The following SRFBP1 variants were observed in gnomAD, a reference collection of about 807,000 sequenced individuals.
The protein encoded by SRFBP1 is serum response factor binding protein 1.
In SRFBP1, 47 loss-of-function variants were observed where a neutral mutation model predicts 45.5. The ratio of observed to expected loss-of-function variants is 1.03; its 90% CI spans 0.82 to 1.32. The LOEUF is 1.32. Ranked by LOEUF, SRFBP1 falls within the 40% of genes most tolerant of loss-of-function variation. SRFBP1 has a pLI of 0.00. For missense variants in SRFBP1, 621 were observed against 484.6 expected (o/e 1.28, Z -2.64); for synonymous variants, 203 against 166.3 (o/e 1.22, Z -1.70).
At chr5:122,047,298 T>C (rs1422060700) in intron 2 of SRFBP1, among the ~76,000 whole-genome samples, 2 of 152,222 alleles carry the variant, frequency 1.3e-5, no homozygotes, top group East Asian at 1.9e-4. Flanking sequence ...ATTTATTAAA[T>C]AGGGAATCGT....
At chr5:122,075,041 T>C (rs1413207715) in intron 2 of SRFBP1, among the ~76,000 whole-genome samples, 1 of 152,232 alleles carries the variant, frequency 6.6e-6, no homozygotes, top group Non-Finnish European at 1.5e-5. Context: ...TTCTGAATGC[T>C]TGTGATAAAA....
intron 1 of SRFBP1, among the ~76,000 whole-genome samples, chr5:121,972,391 TTAGGAGAG>T: frequency 6.6e-6 from 1 of 151,900 alleles, no homozygotes; most frequent in South Asian, 2.1e-4. Flanking sequence ...ACTAGAGGAT[TTAGGAGAG>T]TAGGCAAAAG....
chr5:122,044,626 A>T (rs540367685), intron 2 of SRFBP1, among the ~76,000 whole-genome samples: 1 of 151,970 alleles, frequency 6.6e-6, no homozygotes, highest in East Asian at 1.9e-4. Flanking sequence ...GCATTTTTTC[A>T]TATGCTTGTT....
chr5:122,063,734 C>T (rs776647769), intron 2 of SRFBP1: 5 of 151,816 alleles, frequency 3.3e-5, no homozygotes, highest in Non-Finnish European at 7.4e-5. Flanking sequence ...ATCTCCTTAC[C>T]AGGAATTCAG....
downstream of SRFBP1, among the ~76,000 whole-genome samples, chr5:122,078,739 T>A (rs3763024): frequency 4.9e-3 from 747 of 152,338 alleles, 18 homozygotes; most frequent in East Asian, 0.047. Flanking sequence ...ACGCACACTC[T>A]CTCGCTTTTA....
chr5:122,025,296 A>C (rs1389049578), intron 7 of SRFBP1, among the ~76,000 whole-genome samples: 1 of 152,146 alleles, frequency 6.6e-6, no homozygotes, highest in East Asian at 1.9e-4. Context: ...TGAACTCATC[A>C]GTTTTTATGG....
rs531639320 is a variant in SRFBP1, at chr5:122,045,485, G to T, written n.311+23078G>T. On this transcript the variant is annotated intron_variant and non_coding_transcript_variant, in intron 2 of 2. Transcript: ENST00000504881. ...AACAATATTGATTCTTTCTATCCAT[G>T]AGCATGGAATGTTTTTCCATATGTT... 5.1e-4 allele frequency among the ~76,000 whole-genome samples: 78 copies of T among 152,290 alleles called. 3 individuals are homozygous for T. In the South Asian group the frequency reaches 0.016, roughly 31 times the overall value.
At chr5:122,045,943 G>C (rs1367600712) in intron 2 of SRFBP1, among the ~76,000 whole-genome samples, 1 of 152,132 alleles carries the variant, frequency 6.6e-6, no homozygotes, top group Non-Finnish European at 1.5e-5. Context: ...TGCTTTCAAG[G>C]GGAATGCTTC....
intron 4 of SRFBP1, among the ~76,000 whole-genome samples, chr5:122,004,732 G>A (rs978508403): frequency 2.6e-5 from 4 of 151,852 alleles, no homozygotes; most frequent in African/African-American, 9.7e-5. Flanking sequence ...AATTCTTTGA[G>A]GTGTAACTTG....
intron 2 of SRFBP1, among the ~76,000 whole-genome samples, chr5:122,035,698 A>G (rs909656756): frequency 6.6e-6 from 1 of 152,094 alleles, no homozygotes; most frequent in African/African-American, 2.4e-5. Flanking sequence ...TTTGTGCTGT[A>G]TAAGTGTTTT....
intron 4 of SRFBP1, among the ~76,000 whole-genome samples, chr5:121,995,794 G>A (rs945422920): frequency 2.0e-5 from 3 of 151,014 alleles, no homozygotes; most frequent in Admixed American, 6.6e-5. Flanking sequence ...AAAGAGAGAA[G>A]AATCAAATAG....
intron 2 of SRFBP1, chr5:122,074,125 T>G: frequency 1.9e-6 from 3 of 1,614,162 alleles, no homozygotes; most frequent in Non-Finnish European, 2.5e-6. Flanking sequence ...GGTGTTGGCA[T>G]CAAGCAGGTC....
At chr5:122,007,994 A>T (rs1180038382) in intron 4 of SRFBP1, among the ~76,000 whole-genome samples, 1 of 151,836 alleles carries the variant, frequency 6.6e-6, no homozygotes, top group Non-Finnish European at 1.5e-5. Context: ...ATATATCCTG[A>T]AGCCACTGAG....
chr5:122,002,575 T>C (rs566994175), intron 4 of SRFBP1, among the ~76,000 whole-genome samples: 3 of 152,348 alleles, frequency 2.0e-5, no homozygotes, highest in African/African-American at 7.2e-5. Context: ...CTTTTCTTCC[T>C]CTCCATCGTT....
rs58528083 is a variant in SRFBP1 at position 122,014,560 on chromosome 5, GA to G, written c.271-4690del. 4.0e-3 allele frequency among the ~76,000 whole-genome samples: 583 copies of G among 146,052 alleles called. 2 individuals are homozygous for G. Among genetic ancestry groups the G allele is most frequent in the African/African-American group, 0.013 (512 of 39,294 alleles). ...AACACAGTTATAGAAGAAGACATTA[GA>G]AAAAAAAAATTAAAAAAATCTTCAT... On this transcript the variant is annotated intron_variant, in intron 4 of 7. Transcript: ENST00000339397.
intron 4 of SRFBP1, among the ~76,000 whole-genome samples, chr5:122,018,343 T>C (rs756242270): frequency 2.0e-5 from 3 of 152,202 alleles, no homozygotes; most frequent in Admixed American, 6.5e-5. Context: ...GTTGGTGATT[T>C]AGTCAAAGGT....
intron 1 of SRFBP1, among the ~76,000 whole-genome samples, chr5:121,970,595 A>AT (rs1183994978): frequency 1.7e-4 from 25 of 147,946 alleles, no homozygotes; most frequent in East Asian, 4.0e-4. Context: ...GCAAAGTATG[A>AT]TTTTTTTTTC....
intron 1 of SRFBP1, among the ~76,000 whole-genome samples, chr5:121,969,788 C>T (rs1752150042): frequency 1.3e-5 from 2 of 152,040 alleles, no homozygotes; most frequent in South Asian, 4.1e-4. Flanking sequence ...GTGATGGCCT[C>T]AGATTTTCCC....
intron 2 of SRFBP1, among the ~76,000 whole-genome samples, chr5:122,060,900 C>T (rs1488813825): frequency 2.0e-5 from 3 of 152,106 alleles, no homozygotes; most frequent in African/African-American, 7.2e-5. Flanking sequence ...TGCCTGTCGG[C>T]AGAAACCAGA....
Sources: gnomAD v4.1 joint callset for allele counts (sites outside exome capture counted in the v4.1 genomes callset) on GRCh38, gnomAD v4.1.1 for gene constraint, MANE v1.5 for transcripts, NCBI Gene and HGNC (gene_info 2026-07-23, HGNC 2026-07-21) for gene names.